OBSL1: variants seen among roughly 807,000 people sequenced by gnomAD.
The protein encoded by OBSL1 is obscurin-like protein 1.
Under a neutral mutation model 172.0 loss-of-function variants are expected in OBSL1, and 160 were observed. That is an observed-to-expected ratio of 0.93 (90% confidence interval 0.82 to 1.06). The LOEUF (loss-of-function observed/expected upper bound fraction) is 1.06. OBSL1 is among the 50% of genes least tolerant of loss of function. The pLI is 0.00. For missense variants in OBSL1, 2,681 were observed against 2,715.4 expected (o/e 0.99, Z 0.28); for synonymous variants, 1,200 against 1,196.3 (o/e 1.00, Z -0.06).
chr2:219,571,256 G>A lies in OBSL1; in HGVS notation c.-24C>T, dbSNP rs770246767. 2 of 1,272,612 alleles carry A rather than the reference G, an allele frequency of 1.6e-6. No homozygotes were observed. Among genetic ancestry groups the A allele is most frequent in the East Asian group, 3.2e-5 (1 of 31,592 alleles). 78.8% of individuals were successfully genotyped at this position (1,272,612 alleles called of 1,614,324 possible). On this transcript the variant is annotated 5_prime_UTR_variant, in exon 1 of 21. Coordinates refer to ENST00000404537, the MANE Select transcript of OBSL1 (RefSeq NM_015311.3). The stretch of plus-strand genomic sequence containing the variant: ...ATCGCGGCGGCCGACCGCCTGCAGC[G>A]GCGAACGGTGGGGGGGCAGGGGGGG...
At chr2:219,549,342 C>T (rs758160628), downstream of OBSL1, 23 of 1,612,336 alleles carry the variant, frequency 1.4e-5, no homozygotes, top group Non-Finnish European at 1.8e-5. Flanking sequence ...TCAATGGAGA[C>T]GTCCTCTCCC....
chr2:219,558,153 T>C (rs556885519), intron 10 of OBSL1, 31 bp downstream of exon 10: 2 of 1,610,312 alleles, frequency 1.2e-6, no homozygotes, highest in African/African-American at 2.7e-5. Context: ...TGCCCTTGCC[T>C]CCCTGCCCTG....
chr2:219,548,955 A>G (rs1574507520), downstream of OBSL1: 2 of 607,912 alleles, frequency 3.3e-6, no homozygotes, highest in South Asian at 4.1e-5. Context: ...ATAAAGACCT[A>G]TGGAAGAAAA....
In OBSL1 at chr2:219,568,382, T is replaced by G; in HGVS notation, c.1013-58A>C. On this transcript the variant is annotated intron_variant, in intron 1 of 20. Transcript: ENST00000404537. This position sits in a 1 kb window ranked among gnomAD's most constrained non-coding sequence, Gnocchi z 4.1. Reference sequence around the variant, plus strand: ...CTCTGGAGAAGGCCCAGACTAGGAGTAGGATACCTAGAAGCGCATTAGCTC... The same window carrying G: ...CTCTGGAGAAGGCCCAGACTAGGAGGAGGATACCTAGAAGCGCATTAGCTC... 1 of 1,492,252 alleles carries G rather than the reference T, an allele frequency of 6.7e-7. No individual in the cohort carries two copies. Among genetic ancestry groups the G allele is most frequent in the South Asian group, 1.3e-5 (1 of 78,856 alleles). The allele number at this position is 1,492,252 out of a possible 1,614,324, so 92.4% of individuals were successfully genotyped here.
intron 8 of OBSL1, chr2:219,561,938 G>C (rs1203615980): frequency 5.6e-6 from 4 of 717,372 alleles, no homozygotes; most frequent in African/African-American, 5.2e-5. Context: ...AGAGCCGCCG[G>C]GTCTTCGGCT....
chr2:219,570,086 T>C, intron 1 of OBSL1, 135 bp downstream of exon 1: 4 of 720,538 alleles, frequency 5.6e-6, no homozygotes, highest in East Asian at 6.1e-5. Context: ...GGCGGGCGGG[T>C]TTGGTATTTT....
chr2:219,547,528 G>A (rs1695414938), downstream of OBSL1: 2 of 1,452,764 alleles, frequency 1.4e-6, no homozygotes, highest in Non-Finnish European at 9.1e-7. Flanking sequence ...TCAAGGCAGT[G>A]CTCTTTCTCA....
At chr2:219,556,792 A>G in intron 12 of OBSL1, 69 bp from the exon 13 acceptor site, 1 of 1,460,390 alleles carries the variant, frequency 6.8e-7, no homozygotes, top group Non-Finnish European at 9.2e-7. Flanking sequence ...TCCCCTCCTC[A>G]GGATGCAGGC....
downstream of OBSL1, chr2:219,550,154 G>T: frequency 3.3e-6 from 1 of 305,294 alleles, no homozygotes. Context: ...CAGGCTTGGA[G>T]GGGACGCTGG....
chr2:219,569,279 G>A (rs1230485077), intron 1 of OBSL1: 1 of 152,142 alleles, frequency 6.6e-6, no homozygotes, highest in African/African-American at 2.4e-5. Context: ...CTGTAACAGT[G>A]AGGCCACCAC....
rs770978677 is a variant in OBSL1 at position 219,568,020 on chromosome 2, C to T, written c.1282+35G>A. The stretch of plus-strand genomic sequence containing the variant: ...ACCTGGAATCTGAGCACCTGCCTGC[C>T]TCCGCCTCAGCCTCTTCCCCACGGG... On this transcript the variant is annotated intron_variant, in intron 2 of 20. Coordinates refer to ENST00000404537, the MANE Select transcript of OBSL1 (RefSeq NM_015311.3). The surrounding 1 kb of genome is among the most constrained non-coding windows in gnomAD (Gnocchi z 4.1). 22 of 1,608,910 alleles carry T rather than the reference C, an allele frequency of 1.4e-5. No homozygotes were observed. The highest frequency in any genetic ancestry group is 1.7e-6 in the Non-Finnish European group (2 of 1,175,996).
rs868812326 is a variant in OBSL1, at chr2:219,565,412, G to A, written c.2237C>T (p.Pro746Leu). 20 of 1,613,810 alleles carry A rather than the reference G, an allele frequency of 1.2e-5. No homozygotes were observed. Among genetic ancestry groups the A allele is most frequent in the Admixed American group, 1.7e-5 (1 of 59,996 alleles). ...LTCELSRVDFPATWYKDGQKV... is the reference protein window; with the variant it reads ...LTCELSRVDFLATWYKDGQKV... ...CTGCCCATCCTTGTACCAGGTTGCCGGGAAGTCCACCCTTGAGAGCTCACA... is the reference window on the plus strand; with the variant it reads ...CTGCCCATCCTTGTACCAGGTTGCCAGGAAGTCCACCCTTGAGAGCTCACA... Residue 746 changes from proline to leucine, a missense_variant, in exon 6 of 21, where the codon CCG (proline) becomes CTG (leucine). This residue lies in a region of OBSL1 where 1,765 missense variants were observed against 1,748.3 expected (regional missense o/e 1.01). Transcript: ENST00000404537.
Position 219,568,122 on chromosome 2 carries a change from G to T in OBSL1, c.1215C>A (p.Asp405Glu), listed in dbSNP as rs564010604. 6.2e-7 allele frequency: 1 copy of T among 1,613,800 alleles called. No individual in the cohort carries two copies. The highest frequency in any genetic ancestry group is 2.2e-5 in the East Asian group (1 of 44,882). The change falls in exon 2 of 21, where the codon GAC becomes GAA. Residue 405 changes from aspartate (D) to glutamate (E), a missense_variant. Asp to Glu is a conservative substitution (Grantham distance 45, BLOSUM62 2). Transcript: ENST00000404537. This position sits in a 1 kb window ranked among gnomAD's most constrained non-coding sequence, Gnocchi z 4.1. Reference protein sequence around the residue: ...RRLIIHRLKADDDGIYLCEMR... With the variant: ...RRLIIHRLKAEDDGIYLCEMR... Reference sequence around the variant, plus strand: ...TCTCGCACAGGTAGATACCATCATCGTCTGCCTTCAGCCTGTGGATGATGA... The same window carrying T: ...TCTCGCACAGGTAGATACCATCATCTTCTGCCTTCAGCCTGTGGATGATGA...
In OBSL1 at chr2:219,571,266, G is replaced by T. The variant is rs980031443; in HGVS notation, c.-34C>A. The T allele has an allele frequency of 2.1e-5, 24 of 1,156,826 alleles. 1 individual carries two copies. The highest frequency in any genetic ancestry group is 1.7e-4 in the Admixed American group (4 of 23,480). The allele number at this position is 1,156,826 out of a possible 1,614,324, so 71.7% of individuals were successfully genotyped here. A position where few individuals can be genotyped will look rare whatever the true frequency, so the allele number is the denominator to read the frequency against. ...CCGACCGCCTGCAGCGGCGAACGGTGGGGGGGCAGGGGGGGGTGCGGAGGG... is the reference window on the plus strand; with the variant it reads ...CCGACCGCCTGCAGCGGCGAACGGTTGGGGGGCAGGGGGGGGTGCGGAGGG... On this transcript the variant is annotated 5_prime_UTR_variant, in exon 1 of 21. Coordinates refer to ENST00000404537, the MANE Select transcript of OBSL1 (RefSeq NM_015311.3).
chr2:219,570,341 G>C lies in OBSL1; in HGVS notation c.892C>G (p.Arg298Gly), dbSNP rs367952566. The change falls in exon 1 of 21, where the codon CGC becomes GGC. Residue 298 changes from arginine (R) to glycine (G), a missense_variant. Coordinates refer to ENST00000404537, the MANE Select transcript of OBSL1 (RefSeq NM_015311.3). ...PDRRRLMYRD[R>G]DGGFVLKVLY... Reference sequence around the variant, plus strand: ...ACCTTGAGCACGAAGCCGCCGTCGCGGTCGCGGTACATGAGGCGGCGGCGG... The same window carrying C: ...ACCTTGAGCACGAAGCCGCCGTCGCCGTCGCGGTACATGAGGCGGCGGCGG... 6.2e-7 allele frequency: 1 copy of C among 1,612,274 alleles called. No homozygotes were observed. Among genetic ancestry groups the C allele is most frequent in the South Asian group, 1.1e-5 (1 of 91,004 alleles).
At chr2:219,559,823 T>C (rs748666975) in intron 8 of OBSL1, among the ~76,000 whole-genome samples, 2 of 152,130 alleles carry the variant, frequency 1.3e-5, no homozygotes, top group South Asian at 2.1e-4. Context: ...GCAGGATAGA[T>C]TGAAAGATAC....
Position 219,565,257 on chromosome 2 carries a change from C to T in OBSL1, c.2392G>A (p.Gly798Ser), listed in dbSNP as rs201462216. The part of the protein sequence containing the change: ...CRTEGVSAFF[G>S]VTVQDPPVHI... ...GCTTCCTGACCTTGGACAGTGACGC[C>T]GAAGAAGGCCGAGACCCCTTCTGTC... Residue 798 changes from glycine (G) to serine (S), a missense_variant, in exon 6 of 21, where the codon GGC (glycine) becomes AGC (serine). This residue lies in a region of OBSL1 where 1,765 missense variants were observed against 1,748.3 expected (regional missense o/e 1.01). Transcript: ENST00000404537. 473 of 1,610,304 alleles carry T rather than the reference C, an allele frequency of 2.9e-4. No homozygotes were observed. The highest frequency in any genetic ancestry group is 3.6e-4 in the Non-Finnish European group (419 of 1,177,452).
chr2:219,551,447 A>G (rs1559130769), intron 20 of OBSL1, 82 bp downstream of exon 20: 3 of 1,453,466 alleles, frequency 2.1e-6, no homozygotes, highest in Non-Finnish European at 2.8e-6. Context: ...CAAGTTCTGG[A>G]AAGCCTCCCA....
intron 14 of OBSL1, chr2:219,555,782 TAGCAA>T: frequency 7.2e-7 from 1 of 1,383,114 alleles, no homozygotes; most frequent in Non-Finnish European, 9.3e-7. Flanking sequence ...TTTGTGTTTA[TAGCAA>T]AGCCGACTTG....
Sources: gnomAD v4.1 joint callset for allele counts (sites outside exome capture counted in the v4.1 genomes callset) on GRCh38, gnomAD v4.1.1 for gene constraint, gnomAD v4.1.1 regional missense constraint, Gnocchi (gnomAD v3.1) non-coding constraint, MANE v1.5 for transcripts, NCBI Gene and HGNC (gene_info 2026-07-23, HGNC 2026-07-21) for gene names.